The following TCF3 variants were observed in gnomAD, a reference collection of about 807,000 sequenced individuals.
The protein encoded by TCF3 is transcription factor 3.
In TCF3, 54 loss-of-function variants were observed where a neutral mutation model predicts 72.3. The observed-to-expected ratio is 0.75, with a 90% confidence interval of 0.60 to 0.94. The LOEUF (loss-of-function observed/expected upper bound fraction) is 0.94, where lower values mean the gene tolerates loss of function less well. Among genes scored for constraint, TCF3 ranks in the 40% least tolerant of loss-of-function variants. The pLI, the probability that TCF3 is intolerant of heterozygous loss-of-function variation, is 0.00. For synonymous variants in TCF3, 525 were observed against 412.6 expected (o/e 1.27, Z -3.30); for missense variants, 1,078 against 934.4 (o/e 1.15, Z -2.00).
chr19:1,632,302 C>T (rs1193256124), intron 4 of TCF3, 30 bp downstream of exon 4: 22 of 1,566,592 alleles, frequency 1.4e-5, no homozygotes, highest in Non-Finnish European at 1.9e-5. Flanking sequence ...ACAGGAAACT[C>T]AGGGTCTCAG....
rs1180849150 is a variant in TCF3 at position 1,609,655 on chromosome 19, C to T, written c.*2052G>A. On this transcript the variant is annotated 3_prime_UTR_variant, in exon 19 of 19. Coordinates refer to ENST00000262965, the MANE Select transcript of TCF3 (RefSeq NM_003200.5). ...GGAGAGGCAAGTTCCCTTAAGAGAT[C>T]AAACTCCCAGGGCGTAGGGGAAGCC... 1.3e-5 allele frequency: 3 copies of T among 225,702 alleles called. No homozygotes were observed. Among genetic ancestry groups the T allele is most frequent in the Non-Finnish European group, 2.6e-5 (3 of 113,706 alleles). 14.0% of individuals were successfully genotyped at this position (225,702 alleles called of 1,614,324 possible).
Position 1,615,633 on chromosome 19 carries a change from C to T in TCF3, c.1586+53G>A, listed in dbSNP as rs751595582. 12 of 1,611,014 alleles carry T rather than the reference C, an allele frequency of 7.4e-6. No homozygotes were observed. The highest frequency in any genetic ancestry group is 1.0e-5 in the Non-Finnish European group (12 of 1,179,374). On this transcript the variant is annotated intron_variant, in intron 17 of 18. Coordinates refer to ENST00000262965, the MANE Select transcript of TCF3 (RefSeq NM_003200.5). The surrounding 1 kb of genome is among the most constrained non-coding windows in gnomAD (Gnocchi z 7.3). Reference sequence around the variant, plus strand: ...GTGCGGTGTGCGTGTGGCCTGTGCACATGTGCGTCCTGATGGGGTGAGGGT... The same window carrying T: ...GTGCGGTGTGCGTGTGGCCTGTGCATATGTGCGTCCTGATGGGGTGAGGGT...
At chr19:1,641,954 AG>A (rs1447131417) in intron 3 of TCF3, among the ~76,000 whole-genome samples, 1 of 151,898 alleles carries the variant, frequency 6.6e-6, no homozygotes, top group African/African-American at 2.4e-5. Context: ...CTGAGGTGGG[AG>A]GATCAGTTGA....
Position 1,619,221 on chromosome 19 carries a change from T to C in TCF3, c.1340A>G (p.His447Arg), listed in dbSNP as rs1346801029. 1 of 1,596,198 alleles carries C rather than the reference T, an allele frequency of 6.3e-7. No individual in the cohort carries two copies. The highest frequency in any genetic ancestry group is 8.5e-7 in the Non-Finnish European group (1 of 1,177,952). Residue 447 changes from histidine to arginine, a missense_variant, in exon 16 of 19, where the codon CAC becomes CGC. Physicochemically the swap from His to Arg is conservative, Grantham distance 29 (BLOSUM62 0). Coordinates refer to ENST00000262965, the MANE Select transcript of TCF3 (RefSeq NM_003200.5). ...GCTGCCTGCGAGGCCGTCCTCGGGGTGGCTGCCTCCAACCTGCAGGCGTGG... is the reference window on the plus strand; with the variant it reads ...GCTGCCTGCGAGGCCGTCCTCGGGGCGGCTGCCTCCAACCTGCAGGCGTGG... The part of the protein sequence containing the change: ...GRHAGLVGGS[H>R]PEDGLAGSTS...
chr19:1,613,321 T>C (rs1460694078), intron 18 of TCF3, among the ~76,000 whole-genome samples: 2 of 152,054 alleles, frequency 1.3e-5, no homozygotes, highest in Non-Finnish European at 2.9e-5. Context: ...GTGGATGTGG[T>C]CACACCCAGG....
chr19:1,652,153 C>G (rs934708128), intron 1 of TCF3, 147 bp downstream of exon 1: 1 of 149,508 alleles, frequency 6.7e-6, no homozygotes, highest in Non-Finnish European at 1.5e-5. Context: ...AACAATGACT[C>G]CCGGGCCGCG....
Position 1,625,584 on chromosome 19 carries a change from C to T in TCF3, c.491G>A (p.Gly164Asp), listed in dbSNP as rs1414359484. 1.8e-5 allele frequency: 29 copies of T among 1,584,160 alleles called. No homozygotes were observed. The highest frequency in any genetic ancestry group is 2.4e-5 in the Non-Finnish European group (28 of 1,168,194). The change falls in exon 7 of 19, where the codon GGC (glycine) becomes GAC (aspartate). Residue 164 changes from glycine to aspartate, a missense_variant. Gly to Asp is a moderately conservative substitution (Grantham distance 94). Transcript: ENST00000262965. ...SGSSRRRAADGSLDTQPKKVR... is the reference protein window; with the variant it reads ...SGSSRRRAADDSLDTQPKKVR... Reference sequence around the variant, plus strand: ...GGCCAGACCCCGCTCACCTAGGCTGCCGTCTGCCGCTCTCCGCCGGGAGCT... The same window carrying T: ...GGCCAGACCCCGCTCACCTAGGCTGTCGTCTGCCGCTCTCCGCCGGGAGCT...
intron 2 of TCF3, among the ~76,000 whole-genome samples, chr19:1,646,824 A>G (rs1600142736): frequency 6.6e-6 from 1 of 152,222 alleles, no homozygotes; most frequent in African/African-American, 2.4e-5. Context: ...CAGCTCTGAA[A>G]AGTGAGAGGT....
chr19:1,627,701 C>A (rs1323554137), intron 5 of TCF3, among the ~76,000 whole-genome samples: 1 of 152,178 alleles, frequency 6.6e-6, no homozygotes, highest in Non-Finnish European at 1.5e-5. Flanking sequence ...GATTTCGGGG[C>A]CAACTCTGAG....
chr19:1,625,628 G>A lies in TCF3; in HGVS notation c.447C>T (p.Tyr149=), dbSNP rs1411436711. 5 of 1,566,256 alleles carry A rather than the reference G, an allele frequency of 3.2e-6. No individual in the cohort carries two copies. The South Asian group carries it at 3.5e-5, about 11-fold the overall frequency. ...SPSGMKGTSQ[Y]YPSYSGSSRR... ...GGGAGCTGCCGGAGTAGGAGGGGTAGTACTGGGAGGTCCCCTTCATGCCCG... is the reference window on the plus strand; with the variant it reads ...GGGAGCTGCCGGAGTAGGAGGGGTAATACTGGGAGGTCCCCTTCATGCCCG... The change falls in exon 7 of 19, where the codon TAC becomes TAT. Residue 149 remains tyrosine (Y), a synonymous_variant. Transcript: ENST00000262965.
Position 1,627,495 on chromosome 19 carries a change from G to T in TCF3, c.299-69C>A, listed in dbSNP as rs1292586547. On this transcript the variant is annotated intron_variant, in intron 5 of 18. Coordinates refer to ENST00000262965, the MANE Select transcript of TCF3 (RefSeq NM_003200.5). Reference sequence around the variant, plus strand: ...ACATCCTGAGGGCCCCCGAGTGCCTGCCATGTGCCTACAATAGGCTCTCAG... The same window carrying T: ...ACATCCTGAGGGCCCCCGAGTGCCTTCCATGTGCCTACAATAGGCTCTCAG... 4.9e-6 allele frequency: 7 copies of T among 1,426,670 alleles called. 1 individual carries two copies. Among genetic ancestry groups the T allele is most frequent in the Non-Finnish European group, 6.9e-6 (7 of 1,019,772 alleles). The allele number at this position is 1,426,670 out of a possible 1,614,324, so 88.4% of individuals were successfully genotyped here. A position where few individuals can be genotyped will look rare whatever the true frequency, so the allele number is the denominator to read the frequency against.
At chr19:1,627,737 C>G (rs1415132719) in intron 5 of TCF3, among the ~76,000 whole-genome samples, 3 of 151,718 alleles carry the variant, frequency 2.0e-5, no homozygotes, top group African/African-American at 7.3e-5. Flanking sequence ...GAAGCCCTGC[C>G]CAGGGGGTGG....
At chr19:1,645,005 G>A (rs532640368) in intron 3 of TCF3, among the ~76,000 whole-genome samples, 24 of 152,192 alleles carry the variant, frequency 1.6e-4, no homozygotes, top group African/African-American at 3.1e-4. Context: ...GGATTTCCAC[G>A]CCTCAGGGAG....
chr19:1,619,512 C>T lies in TCF3; in HGVS notation c.1168-38G>A, dbSNP rs199755664. ...GGGATGGGTGGTGAGGGGCCCAAGCCGAGGGACCCCACAGGCCTCCATTCA... is the reference window on the plus strand; with the variant it reads ...GGGATGGGTGGTGAGGGGCCCAAGCTGAGGGACCCCACAGGCCTCCATTCA... On this transcript the variant is annotated intron_variant, in intron 14 of 18. Coordinates refer to ENST00000262965, the MANE Select transcript of TCF3 (RefSeq NM_003200.5). 321 of 1,547,262 alleles carry T rather than the reference C, an allele frequency of 2.1e-4. 1 individual carries two copies. The highest frequency in any genetic ancestry group is 1.8e-3 in the East Asian group (80 of 44,096).
At chr19:1,634,675 G>A (rs1234630198) in intron 3 of TCF3, among the ~76,000 whole-genome samples, 1 of 152,216 alleles carries the variant, frequency 6.6e-6, no homozygotes, top group Non-Finnish European at 1.5e-5. Context: ...TCTTTGCCTG[G>A]TGGCTCGTTG....
At chr19:1,619,674 G>C (rs1226252738) in intron 14 of TCF3, 106 bp downstream of exon 14, 1 of 1,299,062 alleles carries the variant, frequency 7.7e-7, no homozygotes, top group Non-Finnish European at 1.1e-6. Flanking sequence ...ATAACAGCTT[G>C]GGGCTTATTT....
intron 1 of TCF3, 35 bp downstream of exon 1, chr19:1,652,265 T>A (rs1410630901): frequency 7.5e-6 from 1 of 133,076 alleles, no homozygotes; most frequent in Non-Finnish European, 1.6e-5. Flanking sequence ...AGCACGGGGG[T>A]ACCGGGCGCG....
chr19:1,621,077 CA>C (rs2062144817), intron 12 of TCF3, 31 bp from the exon 13 acceptor site: 4 of 1,518,016 alleles, frequency 2.6e-6, no homozygotes, highest in Non-Finnish European at 3.6e-6. Context: ...GATGGGCGGT[CA>C]GGGGCCGGCC....
At chr19:1,627,111 AG>A (rs1404820496) in intron 6 of TCF3, among the ~76,000 whole-genome samples, 2 of 152,024 alleles carry the variant, frequency 1.3e-5, no homozygotes, top group Admixed American at 6.5e-5. Context: ...CTCAGAGGAG[AG>A]GGCAACCGAG....
Sources: gnomAD v4.1 joint callset for allele counts (sites outside exome capture counted in the v4.1 genomes callset) on GRCh38, gnomAD v4.1.1 for gene constraint, Gnocchi (gnomAD v3.1) non-coding constraint, MANE v1.5 for transcripts, NCBI Gene and HGNC (gene_info 2026-07-23, HGNC 2026-07-21) for gene names.